B4GALT1: variants seen among roughly 807,000 people sequenced by gnomAD.
The protein encoded by B4GALT1 is N-acetyllactosamine synthase.
B4GALT1 carries 16 observed loss-of-function variants against 34.9 expected under a neutral mutation model. That is an observed-to-expected ratio of 0.46 (90% CI 0.31 to 0.70). The LOEUF is 0.70. Ranked by LOEUF, B4GALT1 falls within the 30% of genes least tolerant of loss-of-function variation. The pLI, the probability that B4GALT1 is intolerant of heterozygous loss-of-function variation, is 0.05. For synonymous variants in B4GALT1, 221 were observed against 218.1 expected, an observed-to-expected ratio of 1.01 and a Z score of -0.12; for missense variants, 445 against 530.5, an observed-to-expected ratio of 0.84 and a Z score of 1.58.
At chr9:33,143,973 A>G (rs578241328) in intron 1 of B4GALT1, among the ~76,000 whole-genome samples, 15 of 151,654 alleles carry the variant, frequency 9.9e-5, no homozygotes, top group African/African-American at 3.6e-4. Flanking sequence ...GCTGGGCCCA[A>G]GCGATCCTCC....
rs752762569 is a variant in B4GALT1 at position 33,120,595 on chromosome 9, A to G, written c.660T>C (p.Thr220=). The G allele has an allele frequency of 2.5e-6, 4 of 1,614,114 alleles. No individual in the cohort carries two copies. The African/African-American group carries it at 5.3e-5, about 22-fold the overall frequency. The change falls in exon 3 of 6, where the codon ACT becomes ACC. Residue 220 remains threonine (T), a synonymous_variant. Transcript: ENST00000379731. ...TGAGGAGCTTAGCACGATTGAATAT[A>G]GTGTCTCCCGCCTGGTGCAGAAACA... ...GIYVINQAGD[T]IFNRAKLLNV...
In B4GALT1 at chr9:33,112,712, ATCTGT is replaced by A. The variant is rs1169958991; in HGVS notation, c.*737_*741del. 6.5e-6 allele frequency: 1 copy of A among 152,702 alleles called. No individual in the cohort carries two copies. The highest frequency in any genetic ancestry group is 1.9e-4 in the East Asian group (1 of 5,206). The allele number at this position is 152,702 out of a possible 1,614,324, so 9.5% of individuals were successfully genotyped here. Reference sequence around the variant, plus strand: ...CAAGCTAGATCATAATTAGAACTCGATCTGTTCTTTCTTTAAAATACTACAAACTA... The same window carrying A: ...CAAGCTAGATCATAATTAGAACTCGATCTTTCTTTAAAATACTACAAACTA... On this transcript the variant is annotated 3_prime_UTR_variant, in exon 6 of 6. Transcript: ENST00000379731.
rs1839876327 is a variant in B4GALT1 at position 33,112,408 on chromosome 9, T to C, written c.*1046A>G. On this transcript the variant is annotated 3_prime_UTR_variant, in exon 6 of 6. Coordinates refer to ENST00000379731, the MANE Select transcript of B4GALT1 (RefSeq NM_001497.4). ...TCTCCCAGGTATCCTCCCCGAGGTC[T>C]GGCAGGATAATGCTGACCGGGAGGC... 1.3e-5 allele frequency: 2 copies of C among 152,526 alleles called. No homozygotes were observed. Among genetic ancestry groups the C allele is most frequent in the Non-Finnish European group, 2.9e-5 (2 of 68,036 alleles). 9.4% of individuals were successfully genotyped at this position (152,526 alleles called of 1,614,324 possible). A position where few individuals can be genotyped will look rare whatever the true frequency, so the allele number is the denominator to read the frequency against.
intron 1 of B4GALT1, among the ~76,000 whole-genome samples, chr9:33,158,978 T>C (rs1273259385): frequency 1.3e-5 from 2 of 152,222 alleles, no homozygotes; most frequent in East Asian, 1.9e-4. Flanking sequence ...ATTCTACCTA[T>C]TCTTGGGCAG....
chr9:33,166,119 C>T (rs1840748231), intron 1 of B4GALT1, among the ~76,000 whole-genome samples: 1 of 152,218 alleles, frequency 6.6e-6, no homozygotes, highest in Non-Finnish European at 1.5e-5. Flanking sequence ...AATGAACACA[C>T]AGTGACAATT....
chr9:33,109,867 T>C (rs147701167), downstream of B4GALT1, among the ~76,000 whole-genome samples: 254 of 152,320 alleles, frequency 1.7e-3, 1 homozygote, highest in African/African-American at 5.8e-3. Flanking sequence ...TGAAGTGTTG[T>C]GAGTGGTGGT....
chr9:33,164,263 C>T (rs1026911651), intron 1 of B4GALT1, among the ~76,000 whole-genome samples: 13 of 152,176 alleles, frequency 8.5e-5, no homozygotes. Flanking sequence ...CAAAACCACC[C>T]GCAAGGGCTT....
the B4GALT1 span, among the ~76,000 whole-genome samples, chr9:33,178,043 G>A: frequency 2.1e-5 from 3 of 145,878 alleles, no homozygotes; most frequent in Non-Finnish European, 4.5e-5. Context: ...AGGCTGGAGT[G>A]TACTGGTGTG....
chr9:33,117,406 G>A (rs1211652752), intron 3 of B4GALT1, among the ~76,000 whole-genome samples: 4 of 152,184 alleles, frequency 2.6e-5, no homozygotes, highest in South Asian at 2.1e-4. Context: ...CAGTGGTTAT[G>A]AATTGTGAAC....
the B4GALT1 span, among the ~76,000 whole-genome samples, chr9:33,177,622 A>G: frequency 1.3e-5 from 2 of 152,270 alleles, no homozygotes; most frequent in African/African-American, 4.8e-5. Context: ...TTTTACAGAA[A>G]GTTTGCCAAT....
chr9:33,173,591 G>GGTGTGTGTGTGTGTGTGTGT, the B4GALT1 span, among the ~76,000 whole-genome samples: 31 of 143,164 alleles, frequency 2.2e-4, 1 homozygote, highest in Non-Finnish European at 4.0e-4. Context: ...AAATAAGAAT[G>GGTGTGTGTGTGTGTGTGTGT]GTGTGTGTGT....
the B4GALT1 span, among the ~76,000 whole-genome samples, chr9:33,183,006 A>G: frequency 6.6e-6 from 1 of 152,206 alleles, no homozygotes; most frequent in Non-Finnish European, 1.5e-5. Flanking sequence ...TAACATGTAC[A>G]GTAGTACCCG....
the B4GALT1 span, chr9:33,179,688 A>C: frequency 6.6e-6 from 1 of 152,228 alleles, no homozygotes; most frequent in East Asian, 1.9e-4. Flanking sequence ...ACATATGAAG[A>C]CCAACCTTCT....
At chr9:33,138,558 G>A (rs925665482) in intron 1 of B4GALT1, among the ~76,000 whole-genome samples, 7 of 152,130 alleles carry the variant, frequency 4.6e-5, no homozygotes, top group African/African-American at 1.4e-4. Flanking sequence ...ATCACCAAGC[G>A]TCACATTTAC....
the B4GALT1 span, among the ~76,000 whole-genome samples, chr9:33,176,016 T>G: frequency 6.6e-6 from 1 of 152,168 alleles, no homozygotes; most frequent in African/African-American, 2.4e-5. Context: ...GAATAGGAGA[T>G]TAATAAGAGG....
At chr9:33,184,720 G>C in the B4GALT1 span, among the ~76,000 whole-genome samples, 1 of 152,204 alleles carries the variant, frequency 6.6e-6, no homozygotes, top group East Asian at 1.9e-4. Context: ...CACACTTTGA[G>C]CTGCAACGCT....
chr9:33,176,203 G>T, the B4GALT1 span, among the ~76,000 whole-genome samples: 1 of 152,178 alleles, frequency 6.6e-6, no homozygotes, highest in Non-Finnish European at 1.5e-5. Flanking sequence ...TTTGTTCACA[G>T]TCCGGTAACT....
chr9:33,143,881 CT>C (rs72218508), intron 1 of B4GALT1, among the ~76,000 whole-genome samples: 317 of 145,302 alleles, frequency 2.2e-3, no homozygotes, highest in Non-Finnish European at 1.8e-3. Context: ...GTTTGAATAT[CT>C]TTTTTTTTTT....
At chr9:33,154,004 A>G (rs933348470) in intron 1 of B4GALT1, among the ~76,000 whole-genome samples, 9 of 100,240 alleles carry the variant, frequency 9.0e-5, no homozygotes, top group Non-Finnish European at 1.5e-4. Flanking sequence ...AGGGGAGGGG[A>G]GAGAGAGAGA....
Sources: gnomAD v4.1 joint callset for allele counts (sites outside exome capture counted in the v4.1 genomes callset) on GRCh38, gnomAD v4.1.1 for gene constraint, MANE v1.5 for transcripts, NCBI Gene and HGNC (gene_info 2026-07-23, HGNC 2026-07-21) for gene names.